ERICH6: variants seen among roughly 807,000 people sequenced by gnomAD.
The protein encoded by ERICH6 is glutamate-rich protein 6.
In ERICH6, 71 loss-of-function variants were observed where a neutral mutation model predicts 71.0. That is an observed-to-expected ratio of 1.00 (90% CI 0.83 to 1.22). The LOEUF is 1.22. Ranked by LOEUF, ERICH6 falls within the 50% of genes most tolerant of loss-of-function variation. ERICH6 has a pLI of 0.00. For synonymous variants in ERICH6, 262 were observed against 278.4 expected (o/e 0.94, Z 0.59); for missense variants, 808 against 797.2 (o/e 1.01, Z -0.16).
At chr3:150,686,422 T>TA (rs1712192968) in intron 3 of ERICH6, 68 bp from the exon 4 acceptor site, 1 of 1,325,902 alleles carries the variant, frequency 7.5e-7, no homozygotes, top group Non-Finnish European at 1.1e-6. Flanking sequence ...TAAAAGAAAA[T>TA]ACATCTCTCA....
chr3:150,664,193 A>G (rs72616693), intron 13 of ERICH6, among the ~76,000 whole-genome samples: 16,171 of 152,188 alleles, frequency 0.11, 1,358 homozygotes, highest in East Asian at 0.46. Context: ...CTGAGAAGTC[A>G]TTAAATTTCA....
intron 3 of ERICH6, among the ~76,000 whole-genome samples, chr3:150,688,114 T>C (rs576059429): frequency 4.9e-4 from 75 of 152,208 alleles, no homozygotes; most frequent in Admixed American, 7.9e-4. Flanking sequence ...CAAGACCTTG[T>C]CTCAAAAAGT....
At chr3:150,681,745 G>A (rs11922822) in intron 7 of ERICH6, among the ~76,000 whole-genome samples, 3,339 of 151,702 alleles carry the variant, frequency 0.022, 129 homozygotes, top group African/African-American at 0.077. Context: ...CATCCTAATG[G>A]GTGTGAAGTG....
rs530646116 is a variant in ERICH6 at position 150,685,979 on chromosome 3, A to T, written c.653T>A (p.Leu218Ter). 18 of 1,603,866 alleles carry T rather than the reference A, an allele frequency of 1.1e-5. No individual in the cohort carries two copies. The East Asian group carries it at 4.0e-4, about 36-fold the overall frequency. ...AACATTTCTTACCTCCAGCTCATAT[A>T]AAATATTTAGTTTCGACTCTTCTGG... ...INPEESKLNI[L>*]YELEFKEDFI... Residue 218 changes from leucine (L) to a stop codon, truncating the protein, a stop_gained, in exon 5 of 14, where the codon TTA becomes TAA. Transcript: ENST00000295910. LOFTEE classifies it high-confidence loss of function.
At chr3:150,689,336 G>A (rs959501267) in intron 3 of ERICH6, among the ~76,000 whole-genome samples, 7 of 152,006 alleles carry the variant, frequency 4.6e-5, no homozygotes, top group African/African-American at 1.7e-4. Flanking sequence ...TGCTAGCCAG[G>A]CCAAACTGAA....
intron 13 of ERICH6, among the ~76,000 whole-genome samples, chr3:150,666,347 T>C (rs982771448): frequency 3.3e-5 from 5 of 152,150 alleles, no homozygotes; most frequent in Admixed American, 3.3e-4. Flanking sequence ...AAGGATGTGG[T>C]TGAGGCTGAC....
At chr3:150,664,995 C>A (rs1727355125) in intron 13 of ERICH6, among the ~76,000 whole-genome samples, 1 of 150,178 alleles carries the variant, frequency 6.7e-6, no homozygotes, top group Admixed American at 6.6e-5. Flanking sequence ...AAGGGAGGTG[C>A]AGGGGTGGGG....
intron 13 of ERICH6, among the ~76,000 whole-genome samples, chr3:150,666,003 T>C (rs1257191166): frequency 3.3e-5 from 5 of 152,224 alleles, no homozygotes; most frequent in Non-Finnish European, 7.3e-5. Flanking sequence ...CTTAGTACTT[T>C]GCATTCTCAT....
At chr3:150,684,724 T>C (rs578201317) in intron 6 of ERICH6, among the ~76,000 whole-genome samples, 13 of 152,298 alleles carry the variant, frequency 8.5e-5, no homozygotes, top group Admixed American at 4.6e-4. Flanking sequence ...CATTAATCGG[T>C]CACTTCACAT....
intron 3 of ERICH6, among the ~76,000 whole-genome samples, chr3:150,687,728 C>T (rs1048865384): frequency 3.9e-5 from 6 of 152,132 alleles, no homozygotes; most frequent in African/African-American, 1.4e-4. Flanking sequence ...TATAATGGGA[C>T]AGAGGCAAAG....
At chr3:150,678,314 T>A (rs1411899980) in intron 10 of ERICH6, 95 bp downstream of exon 10, 5 of 1,212,054 alleles carry the variant, frequency 4.1e-6, no homozygotes, top group African/African-American at 1.5e-5. Flanking sequence ...ACTAGTTAAA[T>A]GCATCATGTA....
At chr3:150,695,042 G>C (rs916185438) in intron 3 of ERICH6, among the ~76,000 whole-genome samples, 2 of 152,172 alleles carry the variant, frequency 1.3e-5, no homozygotes, top group African/African-American at 4.8e-5. Flanking sequence ...TCCCATTCAT[G>C]ACAGCTGCAT....
chr3:150,680,783 C>A lies in ERICH6; in HGVS notation c.1030G>T (p.Ala344Ser). Residue 344 changes from alanine (A) to serine (S), a missense_variant, in exon 8 of 14, where the codon GCC becomes TCC. Physicochemically the swap from Ala to Ser is moderately conservative, Grantham distance 99 (BLOSUM62 1). Coordinates refer to ENST00000295910, the MANE Select transcript of ERICH6 (RefSeq NM_152394.5). ...EVDRLKAKEK[A>S]LQRKQEQRMA... The stretch of plus-strand genomic sequence containing the variant: ...AAGTCTCAATGTTACCTTTGCAGGG[C>A]TTTTTCTTTTGCCTTGAGTCTGTCG... The A allele has an allele frequency of 6.2e-7, 1 of 1,603,482 alleles. No homozygotes were observed. The highest frequency in any genetic ancestry group is 8.5e-7 in the Non-Finnish European group (1 of 1,177,318).
intron 2 of ERICH6, among the ~76,000 whole-genome samples, chr3:150,699,422 C>T (rs1478443180): frequency 6.6e-6 from 1 of 152,182 alleles, no homozygotes; most frequent in East Asian, 1.9e-4. Context: ...AGACACTCCA[C>T]AGGAAATGAC....
chr3:150,679,594 A>G (rs917465144), intron 9 of ERICH6, among the ~76,000 whole-genome samples: 1 of 152,158 alleles, frequency 6.6e-6, no homozygotes, highest in Admixed American at 6.6e-5. Context: ...TGTTTCTTCA[A>G]CTGTACCAGT....
chr3:150,688,289 A>G (rs1025897802), intron 3 of ERICH6, among the ~76,000 whole-genome samples: 3 of 152,214 alleles, frequency 2.0e-5, no homozygotes, highest in African/African-American at 7.2e-5. Context: ...AAAGGTTTTT[A>G]TTAATACATT....
rs1314487315 is a variant in ERICH6, at chr3:150,703,487, G to A, written c.403+9C>T. 1 of 1,576,730 alleles carries A rather than the reference G, an allele frequency of 6.3e-7. No individual in the cohort carries two copies. The highest frequency in any genetic ancestry group is 8.6e-7 in the Non-Finnish European group (1 of 1,161,686). On this transcript the variant is annotated intron_variant, in intron 1 of 13. Transcript: ENST00000295910. ...AACCCTCGAGGAAGGGGTGGGTCGG[G>A]GGCGGTACTTTTATGCGAGGAGGTG...
chr3:150,694,520 A>C (rs1296163385), intron 3 of ERICH6, among the ~76,000 whole-genome samples: 3 of 152,208 alleles, frequency 2.0e-5, no homozygotes, highest in African/African-American at 7.2e-5. Context: ...TGAGGGCCAG[A>C]TGAATACAGA....
At chr3:150,663,078 T>C (rs1040671149) in intron 13 of ERICH6, among the ~76,000 whole-genome samples, 87 of 152,134 alleles carry the variant, frequency 5.7e-4, no homozygotes, top group African/African-American at 2.0e-3. Flanking sequence ...TCGAGTAAAA[T>C]TAGAAGTCCC....
Sources: allele counts gnomAD v4.1 joint callset (sites outside exome capture counted in the v4.1 genomes callset), GRCh38; gene constraint gnomAD v4.1.1; transcripts MANE v1.5; gene names NCBI Gene and HGNC (gene_info 2026-07-23, HGNC 2026-07-21).